The following OPCML variants were observed in gnomAD, a reference collection of about 807,000 sequenced individuals.
OPCML encodes opioid-binding protein/cell adhesion molecule.
OPCML carries 13 observed loss-of-function variants against 37.8 expected under a neutral mutation model. The ratio of observed to expected loss-of-function variants is 0.34; its 90% CI spans 0.22 to 0.55. The LOEUF (loss-of-function observed/expected upper bound fraction) is 0.55, where lower values mean the gene tolerates loss of function less well. Among genes scored for constraint, OPCML ranks in the 20% least tolerant of loss-of-function variants. The pLI is 0.91. For missense variants in OPCML, 341 were observed against 435.6 expected (o/e 0.78, Z 1.93); for synonymous variants, 176 against 168.8 (o/e 1.04, Z -0.33).
In OPCML at chr11:132,682,612, A is replaced by G. The variant is rs142759111; in HGVS notation, c.147-25293T>C. Among the ~76,000 whole-genome samples, 765 of 152,334 alleles carry G rather than the reference A, an allele frequency of 5.0e-3. 5 individuals are homozygous for G. The highest frequency in any genetic ancestry group is 0.017 in the African/African-American group (723 of 41,590). ...CAAACTCAAAGCAGTTTGTGCCCAC[A>G]GGGCAATAAAGAGGCGATAAGGAGG... is the stretch of plus-strand genomic sequence containing the variant. On this transcript the variant is annotated intron_variant, in intron 2 of 7. Transcript: ENST00000524381.
At chr11:132,744,798 A>AGTGG (rs981311506) in intron 2 of OPCML, among the ~76,000 whole-genome samples, 2 of 152,250 alleles carry the variant, frequency 1.3e-5, no homozygotes. Flanking sequence ...CAAAATATAA[A>AGTGG]GTGGGGGAAT....
chr11:132,568,589 A>T (rs1485808554), intron 3 of OPCML, among the ~76,000 whole-genome samples: 4 of 152,232 alleles, frequency 2.6e-5, no homozygotes, highest in Non-Finnish European at 5.9e-5. Flanking sequence ...GCAGCGACGC[A>T]GGTGTGACTG....
chr11:133,081,705 G>T (rs1415421474), intron 1 of OPCML, among the ~76,000 whole-genome samples: 2 of 152,122 alleles, frequency 1.3e-5, no homozygotes, highest in Non-Finnish European at 2.9e-5. Flanking sequence ...ACCCCAGGGG[G>T]AGGCTTTGTG....
At chr11:133,421,882 G>A (rs1945894079) in intron 1 of OPCML, 2 of 592,318 alleles carry the variant, frequency 3.4e-6, no homozygotes, top group Non-Finnish European at 4.2e-6. Context: ...CAGAAACAGT[G>A]AGAAACAATA....
chr11:132,865,451 C>T (rs1055268967), intron 2 of OPCML, among the ~76,000 whole-genome samples: 2 of 152,190 alleles, frequency 1.3e-5, no homozygotes, highest in African/African-American at 2.4e-5. Context: ...ATCATACGCT[C>T]AGCCCAACAG....
At chr11:132,936,477 G>A (rs1218761795) in intron 2 of OPCML, among the ~76,000 whole-genome samples, 1 of 152,128 alleles carries the variant, frequency 6.6e-6, no homozygotes, top group Non-Finnish European at 1.5e-5. Flanking sequence ...CTGACACATA[G>A]TAAACCATGT....
intron 1 of OPCML, among the ~76,000 whole-genome samples, chr11:133,363,030 T>G (rs764570994): frequency 2.6e-5 from 4 of 152,142 alleles, no homozygotes; most frequent in Admixed American, 1.3e-4. Context: ...CCCAGGACAC[T>G]GCGCGAGGCC....
chr11:132,445,955 A>G (rs755525377), intron 4 of OPCML, among the ~76,000 whole-genome samples: 3 of 152,112 alleles, frequency 2.0e-5, no homozygotes, highest in Non-Finnish European at 4.4e-5. Flanking sequence ...GTCAGGAAAA[A>G]GAAATCTTGT....
At chr11:133,452,884 G>A (rs1946606744) in intron 1 of OPCML, among the ~76,000 whole-genome samples, 1 of 151,582 alleles carries the variant, frequency 6.6e-6, no homozygotes, top group African/African-American at 2.4e-5. Context: ...TAACTTATGG[G>A]TCTGCTACTC....
At chr11:132,441,272 A>C (rs1484549906) in intron 4 of OPCML, among the ~76,000 whole-genome samples, 1 of 136,068 alleles carries the variant, frequency 7.3e-6, no homozygotes, top group Non-Finnish European at 1.5e-5. Context: ...GGTTCACGCC[A>C]TTCTCCTGCC....
rs1358772145 is a variant in OPCML, at chr11:132,437,482, C to T, written c.506-123G>A. 10 of 1,497,912 alleles carry T rather than the reference C, an allele frequency of 6.7e-6. No homozygotes were observed. The Admixed American group carries it at 1.1e-4, about 16-fold the overall frequency. The allele number at this position is 1,497,912 out of a possible 1,614,324, so 92.8% of individuals were successfully genotyped here. On this transcript the variant is annotated intron_variant, in intron 4 of 7. Coordinates refer to ENST00000524381, the MANE Select transcript of OPCML (RefSeq NM_001012393.5). ...AAGCCATCAGAATGGAGTAGGACAT[C>T]AAGTCAAAGACATAGGGCATCATGT...
intron 4 of OPCML, among the ~76,000 whole-genome samples, chr11:132,500,343 C>A (rs749558191): frequency 5.3e-5 from 8 of 152,068 alleles, no homozygotes; most frequent in Non-Finnish European, 7.4e-5. Context: ...TTTACCAGAA[C>A]CTGAAAAATT....
At chr11:132,628,333 T>G (rs375565972) in intron 3 of OPCML, among the ~76,000 whole-genome samples, 1 of 152,172 alleles carries the variant, frequency 6.6e-6, no homozygotes, top group African/African-American at 2.4e-5. Flanking sequence ...GGAAACTGTA[T>G]GAAAAAAGCA....
At chr11:133,034,022 T>C (rs1947721289) in intron 1 of OPCML, among the ~76,000 whole-genome samples, 1 of 152,128 alleles carries the variant, frequency 6.6e-6, no homozygotes, top group African/African-American at 2.4e-5. Context: ...ATGCAAAAAA[T>C]GACTTAGTTG....
chr11:132,658,210 C>T (rs1355462268), intron 2 of OPCML, among the ~76,000 whole-genome samples: 2 of 152,212 alleles, frequency 1.3e-5, no homozygotes, highest in East Asian at 3.9e-4. Context: ...AGTGTGGAGG[C>T]ACACCCATCA....
chr11:132,563,798 AAC>A (rs1470395357), intron 3 of OPCML, among the ~76,000 whole-genome samples: 4 of 138,640 alleles, frequency 2.9e-5, no homozygotes, highest in African/African-American at 8.1e-5. Flanking sequence ...AAACAACGAA[AAC>A]AACAACAACA....
chr11:132,707,792 A>T (rs1317907594), intron 2 of OPCML, among the ~76,000 whole-genome samples: 1 of 152,200 alleles, frequency 6.6e-6, no homozygotes, highest in Non-Finnish European at 1.5e-5. Context: ...GATTGTGTTC[A>T]GTTCTGGGTA....
intron 1 of OPCML, among the ~76,000 whole-genome samples, chr11:132,946,608 T>C (rs780462938): frequency 6.6e-6 from 1 of 152,168 alleles, no homozygotes; most frequent in Non-Finnish European, 1.5e-5. Flanking sequence ...CGGCCTGTCA[T>C]TGACAGAGCA....
chr11:132,457,336 T>G (rs2096086041), intron 4 of OPCML, among the ~76,000 whole-genome samples: 2 of 152,220 alleles, frequency 1.3e-5, no homozygotes. Flanking sequence ...GTGAGACATC[T>G]ACTCTGCTCT....
Sources: allele counts gnomAD v4.1 joint callset (sites outside exome capture counted in the v4.1 genomes callset), GRCh38; gene constraint gnomAD v4.1.1; transcripts MANE v1.5; gene names NCBI Gene and HGNC (gene_info 2026-07-23, HGNC 2026-07-21).